SEMA3A: variants seen among roughly 807,000 people sequenced by gnomAD.
SEMA3A encodes the protein semaphorin-3A.
SEMA3A carries 29 observed loss-of-function variants against 97.9 expected under a neutral mutation model. The observed-to-expected ratio is 0.30, with a 90% CI of 0.22 to 0.40. The LOEUF is 0.40. Ranked by LOEUF, SEMA3A falls within the 10% of genes least tolerant of loss-of-function variation. The pLI, the probability that SEMA3A is intolerant of heterozygous loss-of-function variation, is 1.00. For missense variants in SEMA3A, 763 were observed against 951.3 expected (o/e 0.80, Z 2.60); for synonymous variants, 321 against 323.7 (o/e 0.99, Z 0.09).
intron 1 of SEMA3A, among the ~76,000 whole-genome samples, chr7:84,448,931 C>T (rs1311215767): frequency 6.6e-6 from 1 of 152,152 alleles, no homozygotes; most frequent in East Asian, 1.9e-4. Flanking sequence ...CACAACAATC[C>T]GGTTCTGGTG....
intron 13 of SEMA3A, among the ~76,000 whole-genome samples, chr7:83,984,699 T>TA (rs1312254564): frequency 6.8e-6 from 1 of 146,902 alleles, no homozygotes; most frequent in African/African-American, 2.5e-5. Context: ...TATTAGACAT[T>TA]AAAACTATAT....
intron 1 of SEMA3A, among the ~76,000 whole-genome samples, chr7:84,392,651 T>C (rs1182881636): frequency 1.3e-5 from 2 of 152,176 alleles, no homozygotes; most frequent in Non-Finnish European, 2.9e-5. Flanking sequence ...TTTTCCATAA[T>C]GCTTTTCCTA....
rs772738068 is a variant in SEMA3A, at chr7:84,005,386, C to T, written c.1313G>A (p.Arg438Gln). The change falls in exon 11 of 17, where the codon CGA (arginine) becomes CAA (glutamine). Residue 438 changes from arginine (R) to glutamine (Q), a missense_variant. Coordinates refer to ENST00000265362, the MANE Select transcript of SEMA3A (RefSeq NM_006080.3). Reference protein sequence around the residue: ...NYQFTQIVVDRVDAEDGQYDV... With the variant: ...NYQFTQIVVDQVDAEDGQYDV... ...ATACTGTCCATCTTCTGCATCCACT[C>T]GGTCTACGACAATTTGTGTAAATTG... The T allele has an allele frequency of 5.0e-6, 8 of 1,613,702 alleles. No individual in the cohort carries two copies. Among genetic ancestry groups the T allele is most frequent in the South Asian group, 3.3e-5 (3 of 91,066 alleles).
At chr7:83,993,470 T>C (rs978804798) in intron 12 of SEMA3A, among the ~76,000 whole-genome samples, 6 of 151,474 alleles carry the variant, frequency 4.0e-5, no homozygotes, top group Non-Finnish European at 5.9e-5. Flanking sequence ...TTCCTTTCCA[T>C]GTTTAGTGCT....
At chr7:84,193,016 T>G (rs578041820) in intron 1 of SEMA3A, among the ~76,000 whole-genome samples, 2 of 152,084 alleles carry the variant, frequency 1.3e-5, no homozygotes, top group South Asian at 4.1e-4. Context: ...GGAAATAATT[T>G]AAAGACAGTT....
At chr7:84,309,364 C>T (rs963521115) in intron 2 of SEMA3A, among the ~76,000 whole-genome samples, 1 of 152,076 alleles carries the variant, frequency 6.6e-6, no homozygotes, top group African/African-American at 2.4e-5. Flanking sequence ...AGAAAATGAA[C>T]ATGATGAGTT....
intron 6 of SEMA3A, among the ~76,000 whole-genome samples, chr7:84,044,934 A>C (rs577724907): frequency 2.9e-4 from 44 of 152,218 alleles, no homozygotes; most frequent in African/African-American, 1.0e-3. Context: ...GGCAGGGAGC[A>C]TGCCTTTGTC....
chr7:84,045,962 G>C (rs1419053497), intron 6 of SEMA3A, among the ~76,000 whole-genome samples: 2 of 94,228 alleles, frequency 2.1e-5, no homozygotes, highest in African/African-American at 6.7e-5. Flanking sequence ...AACAATAAGA[G>C]ATGTAAAGGA....
chr7:84,185,114 A>C (rs1050311196), intron 1 of SEMA3A, among the ~76,000 whole-genome samples: 4 of 152,210 alleles, frequency 2.6e-5, no homozygotes, highest in Non-Finnish European at 5.9e-5. Flanking sequence ...ATAACGGTAT[A>C]TGACTTTTCT....
At position 84,429,516 on chromosome 7, in the gene SEMA3A, T is replaced by TTATATATATA. The variant is rs10523978; in HGVS notation, c.-245-57626_-245-57617dup. The stretch of plus-strand genomic sequence containing the variant: ...TTGCATTAGTAAAATATAGAGTTTG[T>TTATATATATA]TATATATATATATATATATATATAT... On this transcript the variant is annotated intron_variant, in intron 1 of 3. Coordinates refer to the SEMA3A transcript ENST00000424555. Among the ~76,000 whole-genome samples the TTATATATATA allele has an allele frequency of 4.8e-3, 348 of 72,302 alleles. 3 individuals carry two copies. Among genetic ancestry groups the TTATATATATA allele is most frequent in the East Asian group, 0.012 (23 of 1,972 alleles). 47.4% of individuals were successfully genotyped at this position (72,302 alleles called of 152,430 possible).
intron 1 of SEMA3A, among the ~76,000 whole-genome samples, chr7:84,166,626 C>G (rs1263949347): frequency 6.6e-6 from 1 of 150,798 alleles, no homozygotes. Context: ...TAATCCCAGC[C>G]CTTTGGGAGG....
intron 6 of SEMA3A, among the ~76,000 whole-genome samples, chr7:84,036,481 TATATC>T (rs1223984184): frequency 3.3e-5 from 5 of 152,066 alleles, no homozygotes; most frequent in Non-Finnish European, 2.9e-5. Flanking sequence ...TGGGAGGACT[TATATC>T]AGCAGTAGGG....
intron 2 of SEMA3A, among the ~76,000 whole-genome samples, chr7:84,336,017 G>T (rs1234045657): frequency 6.6e-6 from 1 of 151,984 alleles, no homozygotes; most frequent in African/African-American, 2.4e-5. Flanking sequence ...TGGCTACTTG[G>T]TATTTATAAT....
intron 1 of SEMA3A, among the ~76,000 whole-genome samples, chr7:84,401,782 G>C (rs958655771): frequency 2.0e-5 from 3 of 152,084 alleles, no homozygotes; most frequent in African/African-American, 7.2e-5. Context: ...GTAATCAATG[G>C]TGCTAATAAT....
At chr7:84,422,209 T>C (rs561878668) in intron 1 of SEMA3A, among the ~76,000 whole-genome samples, 4 of 152,258 alleles carry the variant, frequency 2.6e-5, no homozygotes, top group Admixed American at 6.5e-5. Flanking sequence ...GTTGCTGGTC[T>C]ATTCAGGGAT....
chr7:84,411,879 T>A (rs955478702), intron 1 of SEMA3A, among the ~76,000 whole-genome samples: 1 of 152,170 alleles, frequency 6.6e-6, no homozygotes, highest in African/African-American at 2.4e-5. Flanking sequence ...AATTGAATCC[T>A]GGTAATAAAG....
intron 3 of SEMA3A, among the ~76,000 whole-genome samples, chr7:84,251,618 GT>G (rs1290341109): frequency 6.6e-6 from 1 of 152,292 alleles, no homozygotes; most frequent in African/African-American, 2.4e-5. Flanking sequence ...AAGCTACACA[GT>G]TAGTGACCGC....
In SEMA3A at chr7:83,961,366, G is replaced by T; in HGVS notation, c.*5C>A. On this transcript the variant is annotated 3_prime_UTR_variant, in exon 17 of 17. Coordinates refer to ENST00000265362, the MANE Select transcript of SEMA3A (RefSeq NM_006080.3). ...CTTGTTTGAGGTTTCTAGAGGTAAT[G>T]CAGCTCAGACACTCCTGGGTGCCCT... 6.2e-7 allele frequency: 1 copy of T among 1,611,560 alleles called. No individual in the cohort carries two copies. The highest frequency in any genetic ancestry group is 1.1e-5 in the South Asian group (1 of 91,032).
chr7:84,047,332 G>T (rs1792396167), intron 5 of SEMA3A, among the ~76,000 whole-genome samples: 2 of 152,014 alleles, frequency 1.3e-5, no homozygotes, highest in Non-Finnish European at 2.9e-5. Flanking sequence ...TTGTCAGCCA[G>T]TCGGCACTGG....
Sources: gnomAD v4.1 joint callset for allele counts (sites outside exome capture counted in the v4.1 genomes callset) on GRCh38, gnomAD v4.1.1 for gene constraint, MANE v1.5 for transcripts, NCBI Gene and HGNC (gene_info 2026-07-23, HGNC 2026-07-21) for gene names.